The following RFX4 variants were observed in gnomAD, a reference collection of about 807,000 sequenced individuals.
RFX4 encodes the protein transcription factor RFX4.
Under a neutral mutation model 95.0 loss-of-function variants are expected in RFX4, and 10 were observed. The observed-to-expected ratio is 0.11, with a 90% CI of 0.06 to 0.18. RFX4 has a LOEUF of 0.18. Among genes scored for constraint, RFX4 ranks in the 10% least tolerant of loss-of-function variants. The pLI is 1.00. For missense variants in RFX4, 640 were observed against 922.0 expected, an observed-to-expected ratio of 0.69 and a Z score of 3.96; for synonymous variants, 321 against 340.7, an observed-to-expected ratio of 0.94 and a Z score of 0.64.
chr12:106,710,426 G>A (rs2042170661), intron 9 of RFX4, among the ~76,000 whole-genome samples: 1 of 152,078 alleles, frequency 6.6e-6, no homozygotes. Context: ...TAAGGAGAAG[G>A]ATTAACGATT....
At chr12:106,750,877 C>G (rs1482515838) in intron 17 of RFX4, 84 bp downstream of exon 17, 2 of 1,264,416 alleles carry the variant, frequency 1.6e-6, no homozygotes, top group Non-Finnish European at 2.1e-6. Flanking sequence ...AACTGTTATG[C>G]ATACTGTGTG....
chr12:106,693,903 A>T (rs1308393439), intron 7 of RFX4, among the ~76,000 whole-genome samples: 2 of 152,214 alleles, frequency 1.3e-5, no homozygotes, highest in African/African-American at 4.8e-5. Context: ...TTAAACATCT[A>T]TGATGTGCCA....
In RFX4 at chr12:106,715,376, CGAGTT is replaced by C; in HGVS notation, c.994-21_994-17del. On this transcript the variant is annotated intron_variant, in intron 10 of 17. Transcript: ENST00000392842. Reference sequence around the variant, plus strand: ...AGGGTTTTAACAACCCATGAGCTAACGAGTTGATTGGATTGGATTATAGGCATCTC... The same window carrying C: ...AGGGTTTTAACAACCCATGAGCTAACGATTGGATTGGATTATAGGCATCTC... The C allele has an allele frequency of 6.2e-7, 1 of 1,607,550 alleles. No individual in the cohort carries two copies. The highest frequency in any genetic ancestry group is 8.5e-7 in the Non-Finnish European group (1 of 1,174,978).
At chr12:106,653,138 T>A (rs940821881) in intron 3 of RFX4, among the ~76,000 whole-genome samples, 1 of 152,170 alleles carries the variant, frequency 6.6e-6, no homozygotes, top group African/African-American at 2.4e-5. Flanking sequence ...CCACAGCAGT[T>A]TTCTTGGGAA....
chr12:106,601,186 C>T (rs2039698493), intron 1 of RFX4: 5 of 1,527,396 alleles, frequency 3.3e-6, no homozygotes, highest in African/African-American at 1.4e-5. Context: ...GAGGCCACAG[C>T]TGCTGGCTTC....
At chr12:106,612,516 G>T (rs2039980874) in intron 2 of RFX4, among the ~76,000 whole-genome samples, 1 of 152,186 alleles carries the variant, frequency 6.6e-6, no homozygotes, top group Non-Finnish European at 1.5e-5. Flanking sequence ...GTTTGGGTAT[G>T]TGTTAAATCT....
At chr12:106,644,221 C>G (rs1295679367) in intron 3 of RFX4, among the ~76,000 whole-genome samples, 1 of 150,478 alleles carries the variant, frequency 6.6e-6, no homozygotes, top group Non-Finnish European at 1.5e-5. Flanking sequence ...ATTAATGTTG[C>G]CATTTCCCCT....
At chr12:106,732,274 T>A (rs201827618) in intron 14 of RFX4, 25 bp downstream of exon 14, 1 of 1,612,848 alleles carries the variant, frequency 6.2e-7, no homozygotes, top group Non-Finnish European at 8.5e-7. Flanking sequence ...TCCTGGGAAT[T>A]GCACCACTTG....
intron 15 of RFX4, among the ~76,000 whole-genome samples, chr12:106,742,315 T>C (rs190032787): frequency 2.5e-4 from 38 of 152,236 alleles, no homozygotes; most frequent in African/African-American, 8.2e-4. Flanking sequence ...GCTTCCCAAG[T>C]AGCTGGGACT....
At chr12:106,688,382 T>C (rs1344035457) in intron 6 of RFX4, among the ~76,000 whole-genome samples, 2 of 152,138 alleles carry the variant, frequency 1.3e-5, no homozygotes, top group Non-Finnish European at 2.9e-5. Context: ...ATCACATCTT[T>C]AATGCACCTA....
chr12:106,745,149 C>G (rs2042868843), intron 15 of RFX4, among the ~76,000 whole-genome samples: 1 of 152,126 alleles, frequency 6.6e-6, no homozygotes, highest in African/African-American at 2.4e-5. Flanking sequence ...TTCTGCTTTT[C>G]TTTCTTCTTT....
chr12:106,705,622 G>A (rs2042069638), intron 8 of RFX4, among the ~76,000 whole-genome samples: 1 of 152,156 alleles, frequency 6.6e-6, no homozygotes, highest in Non-Finnish European at 1.5e-5. Flanking sequence ...CAGAAGGGAT[G>A]GCAAGTGCAA....
At chr12:106,717,365 T>C (rs1253041971) in intron 11 of RFX4, among the ~76,000 whole-genome samples, 1 of 152,204 alleles carries the variant, frequency 6.6e-6, no homozygotes. Flanking sequence ...ACCAGACTCA[T>C]AAGGAAAAAT....
chr12:106,740,216 G>A (rs1228318594), intron 15 of RFX4, among the ~76,000 whole-genome samples: 1 of 152,198 alleles, frequency 6.6e-6, no homozygotes, highest in Non-Finnish European at 1.5e-5. Flanking sequence ...AGAACATCTG[G>A]CCTGCCCAGC....
intron 8 of RFX4, among the ~76,000 whole-genome samples, chr12:106,707,533 T>C (rs991189874): frequency 5.3e-5 from 8 of 151,594 alleles, no homozygotes; most frequent in Non-Finnish European, 1.5e-5. Context: ...GAGAAGTGAG[T>C]GTTTCCAAAA....
intron 8 of RFX4, among the ~76,000 whole-genome samples, chr12:106,702,006 A>C (rs2042000947): frequency 6.6e-6 from 1 of 152,072 alleles, no homozygotes; most frequent in South Asian, 2.1e-4. Flanking sequence ...TGTCTCTAAT[A>C]ATAATTATTA....
At chr12:106,743,283 C>A (rs1197906655) in intron 15 of RFX4, among the ~76,000 whole-genome samples, 1 of 152,178 alleles carries the variant, frequency 6.6e-6, no homozygotes. Flanking sequence ...AAACTAAGCA[C>A]AAACTGTAAG....
At chr12:106,683,904 C>T (rs2041586308) in intron 5 of RFX4, among the ~76,000 whole-genome samples, 1 of 152,094 alleles carries the variant, frequency 6.6e-6, no homozygotes, top group Admixed American at 6.6e-5. Context: ...GCAAAATACC[C>T]TCTTTAAAAA....
chr12:106,728,294 A>G (rs2042542967), intron 13 of RFX4, among the ~76,000 whole-genome samples: 1 of 115,374 alleles, frequency 8.7e-6, no homozygotes, highest in Non-Finnish European at 1.8e-5. Flanking sequence ...CTGAGCCTTC[A>G]TGTCCTCATG....
Sources: gnomAD v4.1 joint callset for allele counts (sites outside exome capture counted in the v4.1 genomes callset) on GRCh38, gnomAD v4.1.1 for gene constraint, MANE v1.5 for transcripts, NCBI Gene and HGNC (gene_info 2026-07-23, HGNC 2026-07-21) for gene names.